RFPL2: variants seen among roughly 807,000 people sequenced by gnomAD.
RFPL2 encodes ret finger protein-like 2.
In RFPL2, 13 loss-of-function variants were observed where a neutral mutation model predicts 17.8. That is an observed-to-expected ratio of 0.73 (90% CI 0.47 to 1.16). The LOEUF is 1.16. Among genes scored for constraint, RFPL2 ranks in the 50% most tolerant of loss-of-function variants. RFPL2 has a pLI of 0.00. For synonymous variants in RFPL2, 189 were observed against 180.9 expected (o/e 1.04, Z -0.36); for missense variants, 431 against 479.3 (o/e 0.90, Z 0.94).
chr22:32,198,302 T>A (rs1378061673), intron 2 of RFPL2, among the ~76,000 whole-genome samples: 3 of 152,158 alleles, frequency 2.0e-5, no homozygotes, highest in Non-Finnish European at 4.4e-5. Context: ...AGGGAAAACC[T>A]GATCCAGACA....
chr22:32,202,200 G>T (rs760556), intron 2 of RFPL2, 133 bp downstream of exon 2: 30,196 of 1,104,606 alleles, frequency 0.027, 559 homozygotes, highest in East Asian at 0.071. Flanking sequence ...TCCTCTCCCT[G>T]GACTCCCCTC....
At chr22:32,201,857 G>A (rs1282567414) in intron 2 of RFPL2, among the ~76,000 whole-genome samples, 2 of 152,176 alleles carry the variant, frequency 1.3e-5, no homozygotes, top group East Asian at 1.9e-4. Context: ...GGGAGGGGCC[G>A]AGGGGCATCC....
intron 1 of RFPL2, among the ~76,000 whole-genome samples, chr22:32,203,819 A>C (rs1603214413): frequency 7.0e-6 from 1 of 143,584 alleles, no homozygotes; most frequent in African/African-American, 2.6e-5. Context: ...CCCTCCACTG[A>C]CCCCCGCCGC....
In RFPL2 at chr22:32,204,690, G is replaced by T. The variant is rs1364247728; in HGVS notation, c.-100+17C>A. Among the ~76,000 whole-genome samples the T allele has an allele frequency of 6.6e-6, 1 of 152,194 alleles. No individual in the cohort carries two copies. Among genetic ancestry groups the T allele is most frequent in the Non-Finnish European group, 1.5e-5 (1 of 68,024 alleles). On this transcript the variant is annotated intron_variant, in intron 1 of 4. Coordinates refer to ENST00000652607, the MANE Select transcript of RFPL2 (RefSeq NM_001394555.1). ...CTTTCAAGCCTCCAGCGTGGGACAG[G>T]TGACTCCTCCTCTAACCTGGGCATG...
At chr22:32,194,551 T>G in intron 2 of RFPL2, 61 bp from the exon 3 acceptor site, 1 of 1,472,450 alleles carries the variant, frequency 6.8e-7, no homozygotes, top group Non-Finnish European at 9.3e-7. Context: ...CAGTTAATTA[T>G]AACTTCAGTA....
chr22:32,201,289 C>T (rs891373801), intron 2 of RFPL2, among the ~76,000 whole-genome samples: 28 of 152,138 alleles, frequency 1.8e-4, no homozygotes, highest in Admixed American at 1.4e-3. Context: ...CTGCCTGCCT[C>T]GGCCTCCCAA....
At position 32,202,493 on chromosome 22, in the gene RFPL2, G is replaced by A. The variant is rs367932991; in HGVS notation, c.-42C>T. The A allele has an allele frequency of 5.1e-6, 8 of 1,556,500 alleles. No individual in the cohort carries two copies. In the Admixed American group the frequency reaches 5.8e-5, roughly 11 times the overall value. On this transcript the variant is annotated 5_prime_UTR_variant, in exon 2 of 5. It adds an upstream start codon to the 5' untranslated region. Transcript: ENST00000652607. ...TGCCACAGGCTCTAGCCTCCAGCCCGTGGCATGTAGCTCCTTCTCAGGGCA... is the reference window on the plus strand; with the variant it reads ...TGCCACAGGCTCTAGCCTCCAGCCCATGGCATGTAGCTCCTTCTCAGGGCA...
At chr22:32,194,248 T>A in intron 3 of RFPL2, 97 bp downstream of exon 3, 1 of 1,412,190 alleles carries the variant, frequency 7.1e-7, no homozygotes, top group Non-Finnish European at 9.5e-7. Flanking sequence ...CTTTGTTGAA[T>A]TCATTAATTA....
In RFPL2 at chr22:32,190,977, T is replaced by C. The variant is rs200476377; in HGVS notation, c.932A>G (p.Asp311Gly). The change falls in exon 5 of 5, where the codon GAT (aspartate) becomes GGT (glycine). Residue 311 changes from aspartate to glycine, a missense_variant. Physicochemically the swap from Asp to Gly is moderately conservative, Grantham distance 94 (BLOSUM62 -1). Transcript: ENST00000652607. Reference protein sequence around the residue: ...RKLQRVGIFLDMGMQNVSFFD... With the variant: ...RKLQRVGIFLGMGMQNVSFFD... ...AAAGGAAACGTTCTGCATGCCCATA[T>C]CCAGAAAAATCCCCACTCGCTGTAA... is the stretch of plus-strand genomic sequence containing the variant. The C allele has an allele frequency of 5.6e-4, 898 of 1,610,066 alleles. 7 individuals are homozygous for C. The highest frequency in any genetic ancestry group is 2.6e-4 in the Non-Finnish European group (303 of 1,177,694).
chr22:32,194,703 T>C (rs1387098832), intron 2 of RFPL2, among the ~76,000 whole-genome samples: 1 of 152,274 alleles, frequency 6.6e-6, no homozygotes, highest in African/African-American at 2.4e-5. Flanking sequence ...ATAATTCCTG[T>C]AATATGTTGT....
At chr22:32,191,707 G>A (rs929021335) in intron 4 of RFPL2, among the ~76,000 whole-genome samples, 1 of 152,154 alleles carries the variant, frequency 6.6e-6, no homozygotes, top group African/African-American at 2.4e-5. Flanking sequence ...GCAAGTGGTC[G>A]ATATTAAATG....
chr22:32,193,379 T>C (rs1922932887), intron 3 of RFPL2, 187 bp from the exon 4 acceptor site: 1 of 1,516,992 alleles, frequency 6.6e-7, no homozygotes, highest in Admixed American at 1.9e-5. Flanking sequence ...TTTGAAGTTC[T>C]ATTGGGAAAG....
intron 2 of RFPL2, among the ~76,000 whole-genome samples, chr22:32,199,482 C>G (rs1174491607): frequency 6.6e-6 from 1 of 152,160 alleles, no homozygotes; most frequent in Non-Finnish European, 1.5e-5. Context: ...AGAGACTGAT[C>G]TGGGAGCAAA....
At chr22:32,198,419 G>C (rs1022859842) in intron 2 of RFPL2, among the ~76,000 whole-genome samples, 2 of 151,568 alleles carry the variant, frequency 1.3e-5, no homozygotes, top group African/African-American at 4.9e-5. Context: ...TGGACTCTCT[G>C]CTGAGCAAAT....
intron 1 of RFPL2, chr22:32,203,034 G>A: frequency 3.0e-6 from 3 of 985,884 alleles, no homozygotes; most frequent in Non-Finnish European, 3.6e-6. Context: ...ACAGGAGGAG[G>A]TGGCCGGGAA....
intron 2 of RFPL2, chr22:32,200,201 G>A: frequency 2.8e-6 from 1 of 360,012 alleles, no homozygotes; most frequent in South Asian, 2.3e-5. Context: ...AGAGCGCTGT[G>A]GAGAAGACAG....
chr22:32,199,630 T>C (rs992460204), intron 2 of RFPL2, among the ~76,000 whole-genome samples: 6 of 152,164 alleles, frequency 3.9e-5, no homozygotes, highest in Non-Finnish European at 7.4e-5. Flanking sequence ...GTCAGGATGA[T>C]GCGTGGCAGG....
At chr22:32,201,387 G>A (rs1463041136) in intron 2 of RFPL2, among the ~76,000 whole-genome samples, 1 of 152,156 alleles carries the variant, frequency 6.6e-6, no homozygotes, top group Non-Finnish European at 1.5e-5. Flanking sequence ...GTCAAGGAGA[G>A]TTGGTTTTCT....
chr22:32,193,264 A>C (rs1337971733), intron 3 of RFPL2, 72 bp from the exon 4 acceptor site: 4 of 1,612,872 alleles, frequency 2.5e-6, no homozygotes, highest in Non-Finnish European at 3.4e-6. Flanking sequence ...GACAAGTGAC[A>C]ACCTTTTCAT....
Sources: allele counts gnomAD v4.1 joint callset (sites outside exome capture counted in the v4.1 genomes callset), GRCh38; gene constraint gnomAD v4.1.1; transcripts MANE v1.5; gene names NCBI Gene and HGNC (gene_info 2026-07-23, HGNC 2026-07-21).